PARD3B: variants seen among roughly 807,000 people sequenced by gnomAD.
PARD3B encodes the protein par-3 family cell polarity regulator beta.
A neutral mutation model predicts 130.2 loss-of-function variants in PARD3B; 103 were observed. The ratio of observed to expected loss-of-function variants is 0.79; its 90% CI spans 0.67 to 0.93. The LOEUF (loss-of-function observed/expected upper bound fraction) is 0.93. Ranked by LOEUF, PARD3B falls within the 40% of genes least tolerant of loss-of-function variation. PARD3B has a pLI of 0.00. For missense variants in PARD3B, 1,609 were observed against 1,499.2 expected (o/e 1.07, Z -1.21); for synonymous variants, 583 against 553.2 (o/e 1.05, Z -0.76).
chr2:205,359,124 T>C (rs2044298201), intron 18 of PARD3B, among the ~76,000 whole-genome samples: 1 of 152,228 alleles, frequency 6.6e-6, no homozygotes, highest in Admixed American at 6.5e-5. Flanking sequence ...TCCCTGACTC[T>C]TACAAACACC....
chr2:205,440,507 G>A lies in PARD3B; in HGVS notation c.2879G>A (p.Arg960Gln), dbSNP rs1240190865. Residue 960 changes from arginine (R) to glutamine (Q), a missense_variant, in exon 20 of 23, where the codon CGG becomes CAG. Arg to Gln is a conservative substitution (Grantham distance 43). Transcript: ENST00000406610. The surrounding 1 kb of genome is among the most constrained non-coding windows in gnomAD (Gnocchi z 4.2). ...AATTATGCCAGAGTGAACCACTTTC[G>A]GGAACCATGCACATCAGCAAATGTC... ...DPNYARVNHF[R>Q]EPCTSANVFR... is the part of the protein sequence containing the mutation. 1.1e-5 allele frequency: 18 copies of A among 1,613,832 alleles called. No homozygotes were observed. In the Middle Eastern group the frequency reaches 6.6e-4, roughly 59 times the overall value.
chr2:205,365,853 A>C (rs1861513), intron 18 of PARD3B, among the ~76,000 whole-genome samples: 121,303 of 152,078 alleles, frequency 0.8, 49,230 homozygotes, highest in Admixed American at 0.89. Flanking sequence ...AAAAATGACA[A>C]CTGCCTATAT....
chr2:204,823,628 A>G (rs373564968), intron 2 of PARD3B, among the ~76,000 whole-genome samples: 1 of 152,146 alleles, frequency 6.6e-6, no homozygotes, highest in African/African-American at 2.4e-5. Context: ...CCTTATTAAT[A>G]TCAGAAAAAT....
chr2:204,961,915 G>A (rs1690779943), intron 2 of PARD3B, among the ~76,000 whole-genome samples: 1 of 152,084 alleles, frequency 6.6e-6, no homozygotes, highest in South Asian at 2.1e-4. Flanking sequence ...CTTCATTAAA[G>A]AATGGGAGGA....
chr2:205,357,222 T>A (rs1182761491), intron 18 of PARD3B, among the ~76,000 whole-genome samples: 1 of 152,218 alleles, frequency 6.6e-6, no homozygotes, highest in African/African-American at 2.4e-5. Context: ...TTAATCATAA[T>A]TAGCCTTAAA....
In PARD3B at chr2:205,187,783, G is replaced by T. The variant is rs777048368; in HGVS notation, c.2024+1920G>T. ...CTAGTAACTTCCATCTTCTTTTCAC[G>T]TCTTCCTTCCTAGTCCCGTGTGTTT... On this transcript the variant is annotated intron_variant, in intron 14 of 22. Transcript: ENST00000406610. The surrounding 1 kb of genome is among the most constrained non-coding windows in gnomAD (Gnocchi z 4.9). Among the ~76,000 whole-genome samples the T allele has an allele frequency of 6.6e-6, 1 of 152,014 alleles. No individual in the cohort carries two copies. The highest frequency in any genetic ancestry group is 6.6e-5 in the Admixed American group (1 of 15,256).
intron 18 of PARD3B, among the ~76,000 whole-genome samples, chr2:205,320,964 G>A (rs2042733993): frequency 6.6e-6 from 1 of 151,988 alleles, no homozygotes; most frequent in Admixed American, 6.5e-5. Context: ...ATACACTCAG[G>A]GTTTCTAGAC....
intron 1 of PARD3B, among the ~76,000 whole-genome samples, chr2:204,552,476 T>G (rs1383551210): frequency 6.6e-6 from 1 of 152,212 alleles, no homozygotes; most frequent in African/African-American, 2.4e-5. Context: ...TCTCGACTGA[T>G]AGAAATACTA....
intron 5 of PARD3B, among the ~76,000 whole-genome samples, chr2:205,111,031 T>C (rs1703609579): frequency 6.6e-6 from 1 of 152,094 alleles, no homozygotes; most frequent in Non-Finnish European, 1.5e-5. Context: ...TTTAAATAAA[T>C]AAAAATATGT....
At chr2:204,772,611 A>C (rs1482911213) in intron 2 of PARD3B, among the ~76,000 whole-genome samples, 1 of 152,168 alleles carries the variant, frequency 6.6e-6, no homozygotes, top group African/African-American at 2.4e-5. Flanking sequence ...GTTGACAAGC[A>C]CATTTTCAAG....
chr2:204,649,375 T>A (rs977870000), intron 1 of PARD3B, among the ~76,000 whole-genome samples: 6 of 152,058 alleles, frequency 3.9e-5, no homozygotes, highest in African/African-American at 1.4e-4. Flanking sequence ...AAAATTGTTT[T>A]AATGATAGTG....
Position 205,461,200 on chromosome 2 carries a change from C to T in PARD3B, c.3044+20528C>T, listed in dbSNP as rs2048441445. Among the ~76,000 whole-genome samples the T allele has an allele frequency of 6.6e-6, 1 of 152,054 alleles. No individual in the cohort carries two copies. Among genetic ancestry groups the T allele is most frequent in the Non-Finnish European group, 1.5e-5 (1 of 68,010 alleles). ...GTCACTGAGAAAGCGACATTTAAGT[C>T]GAGACTCAAAGAGTGAGTAGCCATG... On this transcript the variant is annotated intron_variant, in intron 20 of 22. Transcript: ENST00000406610. This position sits in a 1 kb window ranked among gnomAD's most constrained non-coding sequence, Gnocchi z 4.3.
At chr2:205,001,437 A>G (rs1694821461) in intron 3 of PARD3B, among the ~76,000 whole-genome samples, 1 of 152,204 alleles carries the variant, frequency 6.6e-6, no homozygotes, top group South Asian at 2.1e-4. Context: ...ACCAAATACA[A>G]CAGCATTTAT....
chr2:205,207,858 A>T (rs1363037340), intron 15 of PARD3B, among the ~76,000 whole-genome samples: 2 of 118,640 alleles, frequency 1.7e-5, no homozygotes, highest in Non-Finnish European at 3.4e-5. Flanking sequence ...ATCCTCCCTA[A>T]CTCATTTTAT....
At chr2:205,531,702 G>A (rs1419313889) in intron 21 of PARD3B, among the ~76,000 whole-genome samples, 1 of 151,968 alleles carries the variant, frequency 6.6e-6, no homozygotes, top group Non-Finnish European at 1.5e-5. Context: ...ACCACTCTCA[G>A]ACCCCTGCTG....
intron 15 of PARD3B, among the ~76,000 whole-genome samples, chr2:205,238,884 GTGTATATATATATA>G (rs1184923506): frequency 1.3e-5 from 1 of 75,278 alleles, no homozygotes; most frequent in Non-Finnish European, 2.4e-5. Context: ...ATATGTATGT[GTGTATATATATATA>G]TATATATATA....
At chr2:205,581,592 A>T (rs181022989) in intron 22 of PARD3B, among the ~76,000 whole-genome samples, 1 of 150,970 alleles carries the variant, frequency 6.6e-6, no homozygotes, top group African/African-American at 2.4e-5. Context: ...TTTTTAAATA[A>T]CTAAAACAGT....
Position 204,624,195 on chromosome 2 carries a change from C to G in PARD3B, c.121-61986C>G, listed in dbSNP as rs546322028. Among the ~76,000 whole-genome samples the G allele has an allele frequency of 1.8e-3, 268 of 152,130 alleles. 1 individual carries two copies. Among genetic ancestry groups the G allele is most frequent in the African/African-American group, 5.9e-3 (246 of 41,530 alleles). The stretch of plus-strand genomic sequence containing the variant: ...CAAGCAATCTGGTTTAAAAAGTTGT[C>G]AAAGGACTTGAATAGATATTTCTCC... On this transcript the variant is annotated intron_variant, in intron 1 of 22. Coordinates refer to ENST00000406610, the MANE Select transcript of PARD3B (RefSeq NM_001302769.2).
intron 21 of PARD3B, among the ~76,000 whole-genome samples, chr2:205,538,464 C>T (rs952091437): frequency 1.1e-4 from 13 of 116,348 alleles, no homozygotes; most frequent in East Asian, 4.9e-4. Context: ...AAGATGGTCA[C>T]GTGTGTGTAC....
Sources: allele counts gnomAD v4.1 joint callset (sites outside exome capture counted in the v4.1 genomes callset), GRCh38; gene constraint gnomAD v4.1.1; non-coding constraint Gnocchi (gnomAD v3.1); transcripts MANE v1.5; gene names NCBI Gene and HGNC (gene_info 2026-07-23, HGNC 2026-07-21).